The following NUMB variants were observed in gnomAD, a reference collection of about 807,000 sequenced individuals.
NUMB encodes the protein protein numb homolog.
In NUMB, 29 loss-of-function variants were observed where a neutral mutation model predicts 59.7. The observed-to-expected ratio is 0.49, with a 90% CI of 0.36 to 0.66. The LOEUF is 0.66. Among genes scored for constraint, NUMB ranks in the 30% least tolerant of loss-of-function variants. The probability of loss-of-function intolerance (pLI) is 0.00; values close to 1 mark genes in which losing one functional copy is unlikely to be tolerated. For missense variants in NUMB, 723 were observed against 822.0 expected (o/e 0.88, Z 1.47); for synonymous variants, 288 against 288.2 (o/e 1.00, Z 0.01).
chr14:73,412,635 A>T lies in NUMB; in HGVS notation c.-232-2567T>A, dbSNP rs1348448410. On this transcript the variant is annotated intron_variant, in intron 1 of 12. Coordinates refer to ENST00000555238, the MANE Select transcript of NUMB (RefSeq NM_001005743.2). The stretch of plus-strand genomic sequence containing the variant: ...AGAGCGAAACTCCGTCTCAAAAGAA[A>T]AAAAAAAAAAAAAAAGAGATGGGGT... Among the ~76,000 whole-genome samples the T allele has an allele frequency of 4.0e-5, 6 of 150,986 alleles. No individual in the cohort carries two copies. In the South Asian group the frequency reaches 8.4e-4, roughly 21 times the overall value.
intron 1 of NUMB, among the ~76,000 whole-genome samples, chr14:73,440,285 A>T (rs1053170215): frequency 6.6e-6 from 1 of 151,452 alleles, no homozygotes; most frequent in Non-Finnish European, 1.5e-5. Flanking sequence ...ATATATACAC[A>T]TCCATATATC....
chr14:73,326,576 G>A (rs1387943290), intron 4 of NUMB, among the ~76,000 whole-genome samples: 4 of 151,646 alleles, frequency 2.6e-5, no homozygotes, highest in African/African-American at 9.7e-5. Context: ...GCAGTAAGCC[G>A]AGATCACCCC....
At position 73,276,600 on chromosome 14, in the gene NUMB, T is replaced by G. The variant is rs367917511; in HGVS notation, c.1934A>C (p.Lys645Thr). Residue 645 changes from lysine (K) to threonine (T), a missense_variant, in exon 13 of 13, where the codon AAG becomes ACG. Physicochemically the swap from Lys to Thr is moderately conservative, Grantham distance 78 (BLOSUM62 -1). Coordinates refer to ENST00000555238, the MANE Select transcript of NUMB (RefSeq NM_001005743.2). ...PTNPFSSDLQKTFEIEL is the reference protein window; with the variant it reads ...PTNPFSSDLQTTFEIEL Reference sequence around the variant, plus strand: ...TGCTTAAAGTTCAATTTCAAACGTCTTCTGTAAGTCACTGGAGAAAGGGTT... The same window carrying G: ...TGCTTAAAGTTCAATTTCAAACGTCGTCTGTAAGTCACTGGAGAAAGGGTT... The G allele has an allele frequency of 5.0e-6, 8 of 1,612,880 alleles. No individual in the cohort carries two copies. In the African/African-American group the frequency reaches 9.3e-5, roughly 19 times the overall value.
intron 2 of NUMB, among the ~76,000 whole-genome samples, chr14:73,380,533 A>G (rs1895178994): frequency 6.6e-6 from 1 of 151,754 alleles, no homozygotes; most frequent in Admixed American, 6.6e-5. Flanking sequence ...TTAACCCCCA[A>G]CTCTGAATGT....
chr14:73,280,285 C>T lies in NUMB; in HGVS notation c.1097-861G>A, dbSNP rs149132071. ...TCATTTAATTATCTCAAAAACCCTA[C>T]GAGTCTGGTATTATCCCCCTATTAC... On this transcript the variant is annotated intron_variant, in intron 11 of 12. Coordinates refer to ENST00000555238, the MANE Select transcript of NUMB (RefSeq NM_001005743.2). Among the ~76,000 whole-genome samples the T allele has an allele frequency of 2.5e-3, 374 of 152,268 alleles. 3 individuals are homozygous for T. Among genetic ancestry groups the T allele is most frequent in the African/African-American group, 8.5e-3 (354 of 41,558 alleles).
At chr14:73,389,284 A>C (rs865862139) in intron 2 of NUMB, among the ~76,000 whole-genome samples, 4,732 of 101,372 alleles carry the variant, frequency 0.047, 447 homozygotes, top group African/African-American at 0.22. Flanking sequence ...AAAAAAAAAA[A>C]AAAAAAAAAC....
intron 1 of NUMB, among the ~76,000 whole-genome samples, chr14:73,436,313 TTTTTG>T (rs929066008): frequency 6.6e-6 from 1 of 152,040 alleles, no homozygotes; most frequent in South Asian, 2.1e-4. Context: ...TTTTGAAGGA[TTTTTG>T]TTTTGTTTTG....
intron 1 of NUMB, among the ~76,000 whole-genome samples, chr14:73,454,070 G>C (rs763534851): frequency 2.0e-5 from 3 of 152,020 alleles, no homozygotes; most frequent in Non-Finnish European, 4.4e-5. Flanking sequence ...GTTGGGCGGG[G>C]GGGGAACGGT....
At chr14:73,398,411 AGAGAGTGT>A (rs1369170843) in intron 2 of NUMB, among the ~76,000 whole-genome samples, 217 of 104,114 alleles carry the variant, frequency 2.1e-3, no homozygotes, top group African/African-American at 9.1e-3. Flanking sequence ...AGAGAGAGAG[AGAGAGTGT>A]GTGTGTGTGT....
intron 2 of NUMB, among the ~76,000 whole-genome samples, chr14:73,377,049 G>GAT (rs1269493437): frequency 6.6e-6 from 1 of 152,266 alleles, no homozygotes; most frequent in East Asian, 1.9e-4. Context: ...AAAGAACTTA[G>GAT]ATATAGACCT....
chr14:73,388,228 C>T (rs1895657063), intron 2 of NUMB, among the ~76,000 whole-genome samples: 1 of 152,108 alleles, frequency 6.6e-6, no homozygotes, highest in Non-Finnish European at 1.5e-5. Flanking sequence ...AAGTTCTGGG[C>T]CAGGCATGAG....
intron 2 of NUMB, among the ~76,000 whole-genome samples, chr14:73,377,115 T>G (rs1434324525): frequency 3.9e-5 from 6 of 152,182 alleles, no homozygotes; most frequent in Non-Finnish European, 7.3e-5. Flanking sequence ...ATGTAAAATG[T>G]AAAACTATAA....
chr14:73,436,005 C>CA (rs763169931), intron 1 of NUMB, among the ~76,000 whole-genome samples: 1,221 of 92,026 alleles, frequency 0.013, 13 homozygotes, highest in African/African-American at 0.04. Flanking sequence ...GACTCTGTTT[C>CA]AAAAAAAAAA....
At chr14:73,422,908 CAA>C (rs143271018) in intron 1 of NUMB, among the ~76,000 whole-genome samples, 8 of 123,092 alleles carry the variant, frequency 6.5e-5, no homozygotes, top group Admixed American at 8.0e-5. Context: ...GATCCTGTCT[CAA>C]AAAAAAAAAA....
intron 1 of NUMB, among the ~76,000 whole-genome samples, chr14:73,430,744 A>G (rs1897791115): frequency 6.6e-6 from 1 of 151,984 alleles, no homozygotes; most frequent in Admixed American, 6.6e-5. Flanking sequence ...GATCGAGACC[A>G]TTCTGGCTAA....
chr14:73,423,381 G>A (rs1182139010), intron 1 of NUMB, among the ~76,000 whole-genome samples: 1 of 151,532 alleles, frequency 6.6e-6, no homozygotes, highest in Non-Finnish European at 1.5e-5. Flanking sequence ...GCTCACGCCT[G>A]TAATTCCAGC....
chr14:73,397,242 C>T (rs1896182069), intron 2 of NUMB, among the ~76,000 whole-genome samples: 1 of 152,108 alleles, frequency 6.6e-6, no homozygotes, highest in Non-Finnish European at 1.5e-5. Context: ...AACAAATTCC[C>T]AAGTAATGCT....
intron 6 of NUMB, among the ~76,000 whole-genome samples, chr14:73,315,180 C>G (rs1327671495): frequency 6.6e-6 from 1 of 151,962 alleles, no homozygotes; most frequent in African/African-American, 2.4e-5. Flanking sequence ...AAAATGAGTT[C>G]CATTTAAACA....
At chr14:73,394,973 C>T (rs1038493432) in intron 2 of NUMB, among the ~76,000 whole-genome samples, 1 of 150,744 alleles carries the variant, frequency 6.6e-6, no homozygotes, top group Non-Finnish European at 1.5e-5. Context: ...ATAATGTCCT[C>T]CAGGTTCATC....
Sources: allele counts gnomAD v4.1 joint callset (sites outside exome capture counted in the v4.1 genomes callset), GRCh38; gene constraint gnomAD v4.1.1; transcripts MANE v1.5; gene names NCBI Gene and HGNC (gene_info 2026-07-23, HGNC 2026-07-21).